The following DPH6 variants were observed in gnomAD, a reference collection of about 807,000 sequenced individuals.
DPH6 encodes the protein diphthine--ammonia ligase.
In DPH6, 33 loss-of-function variants were observed where a neutral mutation model predicts 38.2. That is an observed-to-expected ratio of 0.86 (90% confidence interval 0.65 to 1.15). The LOEUF (loss-of-function observed/expected upper bound fraction) is 1.15. DPH6 is among the 50% of genes most tolerant of loss of function. The pLI is 0.00. For missense variants in DPH6, 325 were observed against 320.0 expected (o/e 1.02, Z -0.12); for synonymous variants, 108 against 103.0 (o/e 1.05, Z -0.30).
At chr15:35,284,790 G>C (rs1211285071) in intron 3 of DPH6, among the ~76,000 whole-genome samples, 1 of 140,024 alleles carries the variant, frequency 7.1e-6, no homozygotes, top group African/African-American at 2.6e-5. Flanking sequence ...ATTCATGGGT[G>C]AAGTCTCCAA....
intron 3 of DPH6, among the ~76,000 whole-genome samples, chr15:35,492,665 G>GT (rs2054500594): frequency 6.6e-6 from 1 of 152,128 alleles, no homozygotes; most frequent in African/African-American, 2.4e-5. Flanking sequence ...TATTTAACAT[G>GT]TTTACCTTAT....
At chr15:35,244,378 G>T (rs1191845557) in intron 3 of DPH6, among the ~76,000 whole-genome samples, 1 of 152,176 alleles carries the variant, frequency 6.6e-6, no homozygotes, top group Non-Finnish European at 1.5e-5. Context: ...TCTGAAAACT[G>T]GAGGGAGCTT....
rs541308226 is a variant in DPH6, at chr15:35,520,202, G to A, written c.312+18072C>T. On this transcript the variant is annotated intron_variant, in intron 3 of 8. Transcript: ENST00000256538. ...ACAGCTACAGATCAATCACTCTCAC[G>A]TGAAAGTAAACATGCTACAAAAAAA... 4.3e-5 allele frequency: 27 copies of A among 629,102 alleles called. No individual in the cohort carries two copies. In the East Asian group the frequency reaches 1.7e-3, roughly 40 times the overall value. The allele number at this position is 629,102 out of a possible 1,614,324, so 39.0% of individuals were successfully genotyped here. A position where few individuals can be genotyped will look rare whatever the true frequency, so the allele number is the denominator to read the frequency against.
At chr15:35,297,489 A>T (rs967640113) in intron 3 of DPH6, among the ~76,000 whole-genome samples, 5 of 151,764 alleles carry the variant, frequency 3.3e-5, no homozygotes, top group Non-Finnish European at 7.4e-5. Flanking sequence ...CCTTGACCTA[A>T]TTCTTTATTT....
chr15:35,170,328 G>A, the DPH6 span, among the ~76,000 whole-genome samples: 2 of 152,146 alleles, frequency 1.3e-5, no homozygotes, highest in Admixed American at 6.6e-5. Context: ...GCTACACAGC[G>A]AAATATGCCA....
At chr15:35,488,641 A>G (rs1255778639) in intron 3 of DPH6, among the ~76,000 whole-genome samples, 1 of 152,160 alleles carries the variant, frequency 6.6e-6, no homozygotes, top group Non-Finnish European at 1.5e-5. Context: ...TGGGGATTAC[A>G]ATTTGAGATG....
the DPH6 span, among the ~76,000 whole-genome samples, chr15:35,165,117 G>T: frequency 1.3e-5 from 2 of 151,812 alleles, no homozygotes; most frequent in Non-Finnish European, 2.9e-5. Flanking sequence ...TTAATATTTA[G>T]GACTATTAGG....
chr15:35,320,258 C>A (rs954992106), intron 3 of DPH6, among the ~76,000 whole-genome samples: 4 of 152,120 alleles, frequency 2.6e-5, no homozygotes, highest in African/African-American at 9.7e-5. Context: ...TGATGCCTCT[C>A]TCTCTGGTTC....
At chr15:35,231,470 C>A (rs2051517047) in intron 3 of DPH6, among the ~76,000 whole-genome samples, 1 of 152,188 alleles carries the variant, frequency 6.6e-6, no homozygotes. Flanking sequence ...AAACCAGGTA[C>A]TGTGAGTTCT....
At chr15:35,347,458 T>C (rs1428257796) in intron 3 of DPH6, among the ~76,000 whole-genome samples, 1 of 129,544 alleles carries the variant, frequency 7.7e-6, no homozygotes, top group East Asian at 2.1e-4. Flanking sequence ...AGCCTCCTCC[T>C]TTTTTTTTTT....
At chr15:35,203,506 T>A in the DPH6 span, among the ~76,000 whole-genome samples, 1,483 of 151,792 alleles carry the variant, frequency 9.8e-3, 11 homozygotes, top group South Asian at 0.025. Flanking sequence ...TGCTACCTAG[T>A]CATATGAATG....
intron 3 of DPH6, among the ~76,000 whole-genome samples, chr15:35,223,318 C>G (rs1027425889): frequency 3.3e-5 from 5 of 152,104 alleles, no homozygotes; most frequent in Non-Finnish European, 7.4e-5. Context: ...AGGAAAACAG[C>G]ATTTGTCCAT....
chr15:35,465,853 C>T, intron 3 of DPH6, among the ~76,000 whole-genome samples: 1 of 152,070 alleles, frequency 6.6e-6, no homozygotes, highest in East Asian at 1.9e-4. Flanking sequence ...AAAGAAATTG[C>T]AGAAGAGCAT....
intron 3 of DPH6, 136 bp downstream of exon 3, chr15:35,538,138 A>G: frequency 1.3e-6 from 1 of 752,454 alleles, no homozygotes; most frequent in Non-Finnish European, 1.9e-6. Flanking sequence ...TTTTCTAACC[A>G]AAAAAAGACA....
At chr15:35,460,338 C>T (rs1160795543) in intron 3 of DPH6, among the ~76,000 whole-genome samples, 1 of 151,786 alleles carries the variant, frequency 6.6e-6, no homozygotes, top group Non-Finnish European at 1.5e-5. Flanking sequence ...TGAAGATAAC[C>T]AAAAGCTAAT....
At chr15:35,442,837 C>G (rs113765447) in intron 5 of DPH6, among the ~76,000 whole-genome samples, 214 of 152,228 alleles carry the variant, frequency 1.4e-3, no homozygotes, top group African/African-American at 5.0e-3. Flanking sequence ...GATATGAAGA[C>G]ACAAAGTCCT....
At chr15:35,220,789 C>T (rs577477661) in intron 3 of DPH6, among the ~76,000 whole-genome samples, 94 of 152,178 alleles carry the variant, frequency 6.2e-4, no homozygotes, top group Non-Finnish European at 1.1e-3. Context: ...TAGTATTCTA[C>T]CACCAACACA....
intron 5 of DPH6, among the ~76,000 whole-genome samples, chr15:35,436,117 C>T (rs565178235): frequency 3.3e-5 from 5 of 152,012 alleles, no homozygotes; most frequent in Admixed American, 1.3e-4. Context: ...GCGACACCTC[C>T]ATGGAGTCCC....
At chr15:35,322,859 T>C (rs2052251884) in intron 3 of DPH6, among the ~76,000 whole-genome samples, 1 of 152,164 alleles carries the variant, frequency 6.6e-6, no homozygotes, top group Non-Finnish European at 1.5e-5. Flanking sequence ...GGAAACTACT[T>C]GATCATCAGC....
Sources: allele counts gnomAD v4.1 joint callset (sites outside exome capture counted in the v4.1 genomes callset), GRCh38; gene constraint gnomAD v4.1.1; transcripts MANE v1.5; gene names NCBI Gene and HGNC (gene_info 2026-07-23, HGNC 2026-07-21).